OTUD3: variants seen among roughly 807,000 people sequenced by gnomAD.
The protein encoded by OTUD3 is OTU domain-containing protein 3.
In OTUD3, 24 loss-of-function variants were observed where a neutral mutation model predicts 46.2. The observed-to-expected ratio is 0.52, with a 90% CI of 0.38 to 0.73. The LOEUF is 0.73. Among genes scored for constraint, OTUD3 ranks in the 30% least tolerant of loss-of-function variants. The pLI, the probability that OTUD3 is intolerant of heterozygous loss-of-function variation, is 0.00. For synonymous variants in OTUD3, 189 were observed against 195.4 expected (o/e 0.97, Z 0.27); for missense variants, 455 against 523.3 (o/e 0.87, Z 1.27).
In OTUD3 at chr1:19,910,268, T is replaced by C. The variant is rs1408153625; in HGVS notation, c.*2522T>C. On this transcript the variant is annotated 3_prime_UTR_variant, in exon 8 of 8. Transcript: ENST00000375120. ...TGTGTTACATCTTGGCTGGCAGAGA[T>C]TTATGTTACATGAGATTGTCTTGGT... is the stretch of plus-strand genomic sequence containing the variant. 1 of 152,340 alleles carries C rather than the reference T, an allele frequency of 6.6e-6. No individual in the cohort carries two copies. Among genetic ancestry groups the C allele is most frequent in the Admixed American group, 6.5e-5 (1 of 15,290 alleles). 9.4% of individuals were successfully genotyped at this position (152,340 alleles called of 1,614,324 possible).
At position 19,909,254 on chromosome 1, in the gene OTUD3, T is replaced by A. The variant is rs567095534; in HGVS notation, c.*1508T>A. 6.6e-6 allele frequency: 1 copy of A among 152,444 alleles called. No individual in the cohort carries two copies. Among genetic ancestry groups the A allele is most frequent in the African/African-American group, 2.4e-5 (1 of 41,558 alleles). The allele number at this position is 152,444 out of a possible 1,614,324, so 9.4% of individuals were successfully genotyped here. A position where few individuals can be genotyped will look rare whatever the true frequency, so the allele number is the denominator to read the frequency against. On this transcript the variant is annotated 3_prime_UTR_variant, in exon 8 of 8. Transcript: ENST00000375120. ...TCACCAGGCCTTTGGCTTTCTTCAG[T>A]TTCACTGGTATCTTTTGGTTTTGTT...
rs1181811209 is a variant in OTUD3 at position 19,910,894 on chromosome 1, A to G, written c.*3148A>G. 6.6e-6 allele frequency: 1 copy of G among 152,358 alleles called. No homozygotes were observed. Among genetic ancestry groups the G allele is most frequent in the African/African-American group, 2.4e-5 (1 of 41,430 alleles). 9.4% of individuals were successfully genotyped at this position (152,358 alleles called of 1,614,324 possible). On this transcript the variant is annotated 3_prime_UTR_variant, in exon 8 of 8. Transcript: ENST00000375120. ...ATATTACACAGGTAGCATCAGGTGGACTTCAGCGCTGAACTGTACTAGTAG... is the reference window on the plus strand; with the variant it reads ...ATATTACACAGGTAGCATCAGGTGGGCTTCAGCGCTGAACTGTACTAGTAG...
intron 3 of OTUD3, among the ~76,000 whole-genome samples, chr1:19,896,221 CA>C (rs2045515037): frequency 6.6e-6 from 1 of 151,802 alleles, no homozygotes; most frequent in Non-Finnish European, 1.5e-5. Flanking sequence ...TTGAAACCTA[CA>C]TTTTTTTTCT....
chr1:19,897,231 G>T (rs762692011), intron 3 of OTUD3, among the ~76,000 whole-genome samples: 4 of 152,272 alleles, frequency 2.6e-5, no homozygotes, highest in Non-Finnish European at 4.4e-5. Context: ...TTGTGCATTA[G>T]AGGGGCTCAG....
chr1:19,904,860 T>C (rs765321484), intron 5 of OTUD3, 31 bp from the exon 6 acceptor site: 16 of 1,072,196 alleles, frequency 1.5e-5, no homozygotes, highest in Non-Finnish European at 2.1e-5. Context: ...AGTTTTGAAG[T>C]GGTTTTTTTG....
chr1:19,899,684 A>G (rs1041125874), intron 4 of OTUD3, among the ~76,000 whole-genome samples: 4 of 152,234 alleles, frequency 2.6e-5, no homozygotes, highest in Non-Finnish European at 4.4e-5. Flanking sequence ...ACGTTCTAAC[A>G]AGATTTCACC....
intron 1 of OTUD3, among the ~76,000 whole-genome samples, chr1:19,886,713 A>G (rs745872901): frequency 1.1e-4 from 16 of 152,228 alleles, no homozygotes; most frequent in Non-Finnish European, 1.2e-4. Flanking sequence ...TTCAGTATGC[A>G]ACATAACCAC....
chr1:19,894,999 A>G (rs916749913), intron 3 of OTUD3, among the ~76,000 whole-genome samples: 17 of 152,356 alleles, frequency 1.1e-4, no homozygotes, highest in Non-Finnish European at 1.6e-4. Flanking sequence ...ATTTTATTCA[A>G]TCACCCAGAG....
chr1:19,900,935 T>TTGTG (rs2045580512), intron 4 of OTUD3, among the ~76,000 whole-genome samples: 1 of 149,700 alleles, frequency 6.7e-6, no homozygotes, highest in Non-Finnish European at 1.5e-5. Context: ...TTTTTTTTTT[T>TTGTG]GAGACAGAGT....
intron 1 of OTUD3, among the ~76,000 whole-genome samples, chr1:19,885,263 C>T (rs894741458): frequency 3.7e-4 from 57 of 152,166 alleles, no homozygotes; most frequent in African/African-American, 1.3e-3. Flanking sequence ...ATAAAATGAT[C>T]GTATTTCCTC....
chr1:19,890,277 T>C (rs2045428582), intron 1 of OTUD3, 108 bp from the exon 2 acceptor site: 2 of 1,114,498 alleles, frequency 1.8e-6, no homozygotes. Context: ...AGTCTTTACC[T>C]CTGTGTGCAC....
At chr1:19,886,910 A>G (rs570323593) in intron 1 of OTUD3, among the ~76,000 whole-genome samples, 3 of 152,332 alleles carry the variant, frequency 2.0e-5, no homozygotes, top group East Asian at 3.9e-4. Context: ...GTCCAGGGGA[A>G]ATAGAATGTG....
Position 19,897,554 on chromosome 1 carries a change from G to C in OTUD3, c.498G>C (p.Glu166Asp). Reference protein sequence around the residue: ...NAPLWQIRGTEKSSVRELHIA... With the variant: ...NAPLWQIRGTDKSSVRELHIA... ...TTTGTCTACAGATTCGTGGTACAGAGAAAAGCAGCGTGAGGGAGTTACACA... is the reference window on the plus strand; with the variant it reads ...TTTGTCTACAGATTCGTGGTACAGACAAAAGCAGCGTGAGGGAGTTACACA... The change falls in exon 4 of 8, where the codon GAG becomes GAC. Residue 166 changes from glutamate (E) to aspartate (D), a missense_variant. Transcript: ENST00000375120. 1.2e-6 allele frequency: 2 copies of C among 1,614,056 alleles called. No individual in the cohort carries two copies. Among genetic ancestry groups the C allele is most frequent in the Non-Finnish European group, 1.7e-6 (2 of 1,179,958 alleles).
intron 1 of OTUD3, among the ~76,000 whole-genome samples, chr1:19,886,949 A>G (rs1037339050): frequency 2.9e-4 from 44 of 152,274 alleles, no homozygotes; most frequent in Non-Finnish European, 4.7e-4. Flanking sequence ...AAATTTTTCT[A>G]GTAACTACAT....
chr1:19,908,734 C>T lies in OTUD3; in HGVS notation c.*988C>T, dbSNP rs1411772540. 1.3e-5 allele frequency: 2 copies of T among 152,300 alleles called. No homozygotes were observed. Among genetic ancestry groups the T allele is most frequent in the East Asian group, 1.9e-4 (1 of 5,338 alleles). 9.4% of individuals were successfully genotyped at this position (152,300 alleles called of 1,614,324 possible). ...AGACTTAGATGCCTTCAGAGAGATA[C>T]GTGGTAACTTGACCTTATAGGTCGC... On this transcript the variant is annotated 3_prime_UTR_variant, in exon 8 of 8. Coordinates refer to ENST00000375120, the MANE Select transcript of OTUD3 (RefSeq NM_015207.2).
intron 2 of OTUD3, 42 bp downstream of exon 2, chr1:19,890,575 A>AT: frequency 6.3e-7 from 1 of 1,582,390 alleles, no homozygotes; most frequent in Non-Finnish European, 8.7e-7. Flanking sequence ...GGAGTAATGC[A>AT]TTGGGTAATT....
At chr1:19,904,175 G>C in intron 4 of OTUD3, 92 bp from the exon 5 acceptor site, 1 of 993,846 alleles carries the variant, frequency 1.0e-6, no homozygotes, top group Non-Finnish European at 1.4e-6. Context: ...CTATATATAT[G>C]AATTTTTCCA....
chr1:19,892,481 A>C (rs543783666), intron 2 of OTUD3, among the ~76,000 whole-genome samples: 1 of 152,194 alleles, frequency 6.6e-6, no homozygotes, highest in African/African-American at 2.4e-5. Context: ...TCACTATACT[A>C]TTAAGGACCT....
chr1:19,906,774 G>A, intron 7 of OTUD3, 158 bp downstream of exon 7: 1 of 649,436 alleles, frequency 1.5e-6, no homozygotes, highest in Non-Finnish European at 2.6e-6. Context: ...GAAGCAGAAT[G>A]ACCTCACTTA....
Sources: gnomAD v4.1 joint callset for allele counts (sites outside exome capture counted in the v4.1 genomes callset) on GRCh38, gnomAD v4.1.1 for gene constraint, MANE v1.5 for transcripts, NCBI Gene and HGNC (gene_info 2026-07-23, HGNC 2026-07-21) for gene names.